Variants in SPAG16 observed in about 807,000 individuals in gnomAD.
SPAG16 encodes the protein sperm associated antigen 16, also known as sperm-associated antigen 16 protein.
SPAG16 carries 86 observed loss-of-function variants against 80.4 expected under a neutral mutation model. The ratio of observed to expected loss-of-function variants is 1.07; its 90% CI spans 0.90 to 1.28. SPAG16 has a LOEUF of 1.28. Among genes scored for constraint, SPAG16 ranks in the 50% most tolerant of loss-of-function variants. The pLI, the probability that SPAG16 is intolerant of heterozygous loss-of-function variation, is 0.00. For synonymous variants in SPAG16, 294 were observed against 265.9 expected (o/e 1.11, Z -1.03); for missense variants, 870 against 765.3 (o/e 1.14, Z -1.61).
intron 15 of SPAG16, among the ~76,000 whole-genome samples, chr2:214,223,079 C>T (rs1576533436): frequency 6.6e-6 from 1 of 151,932 alleles, no homozygotes; most frequent in African/African-American, 2.4e-5. Context: ...TGCAGAAATC[C>T]CTGATAATCA....
rs1559212252 is a variant in SPAG16 at position 214,323,336 on chromosome 2, T to TA, written c.1721-86804_1721-86803insA. ...TGTGAGATTAAATATATATATATAT[T>TA]TATTTATTTATTTATTTATTTAAAG... On this transcript the variant is annotated intron_variant, in intron 15 of 15. Coordinates refer to ENST00000331683, the MANE Select transcript of SPAG16 (RefSeq NM_024532.5). 6.9e-4 allele frequency among the ~76,000 whole-genome samples: 103 copies of TA among 149,374 alleles called. 1 individual carries two copies. The highest frequency in any genetic ancestry group is 2.2e-3 in the African/African-American group (90 of 40,948).
At chr2:213,625,842 C>T (rs1381632145) in intron 10 of SPAG16, among the ~76,000 whole-genome samples, 2 of 152,090 alleles carry the variant, frequency 1.3e-5, no homozygotes, top group East Asian at 1.9e-4. Context: ...CGCCCACCAC[C>T]ACACCCAGCT....
intron 15 of SPAG16, among the ~76,000 whole-genome samples, chr2:214,162,516 A>G (rs1328116738): frequency 6.6e-6 from 1 of 152,084 alleles, no homozygotes; most frequent in Non-Finnish European, 1.5e-5. Context: ...GGGAGATTCA[A>G]CTTTATTTCT....
At chr2:213,718,345 C>T (rs926388968) in intron 10 of SPAG16, among the ~76,000 whole-genome samples, 3 of 152,164 alleles carry the variant, frequency 2.0e-5, no homozygotes, top group Non-Finnish European at 2.9e-5. Context: ...TCAGAGCCCT[C>T]GCTTGCTCTC....
At chr2:214,041,980 A>G (rs183491292) in intron 13 of SPAG16, among the ~76,000 whole-genome samples, 32,091 of 101,098 alleles carry the variant, frequency 0.32, 4,202 homozygotes, top group East Asian at 0.51. Flanking sequence ...CTGTGTGTGT[A>G]TATATATATA....
At chr2:213,720,331 A>G (rs2066457813) in intron 10 of SPAG16, among the ~76,000 whole-genome samples, 1 of 152,052 alleles carries the variant, frequency 6.6e-6, no homozygotes, top group African/African-American at 2.4e-5. Context: ...AACTTAAAGT[A>G]TAAGAAAAAA....
intron 13 of SPAG16, among the ~76,000 whole-genome samples, chr2:214,103,079 G>GT (rs2053167978): frequency 6.6e-6 from 1 of 152,032 alleles, no homozygotes; most frequent in Non-Finnish European, 1.5e-5. Context: ...CCCATCTGAG[G>GT]TTTTTTCCTT....
chr2:213,960,558 G>C (rs2044361758), intron 12 of SPAG16, among the ~76,000 whole-genome samples: 1 of 151,980 alleles, frequency 6.6e-6, no homozygotes, highest in Non-Finnish European at 1.5e-5. Context: ...AATTATTTTG[G>C]TTTATTGTTT....
intron 10 of SPAG16, among the ~76,000 whole-genome samples, chr2:213,726,279 T>C (rs1160643890): frequency 2.0e-5 from 3 of 152,190 alleles, no homozygotes; most frequent in Admixed American, 6.5e-5. Flanking sequence ...CAGGGATGTG[T>C]CCTGCACTGC....
chr2:213,669,908 A>G (rs2063752857), intron 10 of SPAG16, among the ~76,000 whole-genome samples: 2 of 151,798 alleles, frequency 1.3e-5, no homozygotes, highest in South Asian at 4.1e-4. Context: ...AACATCTAGT[A>G]TTTTGCTGCT....
chr2:213,636,268 G>A (rs963496522), intron 10 of SPAG16, among the ~76,000 whole-genome samples: 6 of 152,024 alleles, frequency 3.9e-5, no homozygotes, highest in East Asian at 1.9e-4. Flanking sequence ...GTAAGTATTT[G>A]GGTTTATTTG....
intron 10 of SPAG16, among the ~76,000 whole-genome samples, chr2:213,527,276 G>T (rs1183903799): frequency 6.6e-6 from 1 of 152,142 alleles, no homozygotes; most frequent in Admixed American, 6.5e-5. Flanking sequence ...AAACTGGTTT[G>T]CTTCTTGTGA....
intron 14 of SPAG16, among the ~76,000 whole-genome samples, chr2:214,140,580 T>C (rs952007349): frequency 6.6e-6 from 1 of 152,082 alleles, no homozygotes; most frequent in South Asian, 2.1e-4. Flanking sequence ...AATTTATTTT[T>C]ATACTCATGA....
intron 5 of SPAG16, among the ~76,000 whole-genome samples, chr2:213,329,684 C>G (rs1160843074): frequency 1.3e-5 from 2 of 152,118 alleles, no homozygotes; most frequent in Non-Finnish European, 2.9e-5. Flanking sequence ...GAAATTCAAG[C>G]CAGCTGCAGA....
chr2:213,580,292 T>C (rs2060259900), intron 10 of SPAG16, among the ~76,000 whole-genome samples: 1 of 152,122 alleles, frequency 6.6e-6, no homozygotes, highest in Admixed American at 6.6e-5. Context: ...CACTTATTCA[T>C]CAAACTAAGA....
chr2:213,560,863 ATTAAC>A (rs1012843971), intron 10 of SPAG16, among the ~76,000 whole-genome samples: 3 of 152,176 alleles, frequency 2.0e-5, no homozygotes, highest in Admixed American at 2.0e-4. Context: ...GTTAGCAACC[ATTAAC>A]TTTTTTTGTG....
intron 15 of SPAG16, among the ~76,000 whole-genome samples, chr2:214,368,255 C>T (rs1024149512): frequency 6.6e-6 from 1 of 152,064 alleles, no homozygotes. Flanking sequence ...CTTCTTTACT[C>T]ACACCTGCAA....
chr2:213,887,921 A>G (rs1180043082), intron 11 of SPAG16, among the ~76,000 whole-genome samples: 2 of 151,496 alleles, frequency 1.3e-5, no homozygotes, highest in African/African-American at 2.4e-5. Context: ...TTTTGCACCA[A>G]CCTAATATGT....
intron 13 of SPAG16, among the ~76,000 whole-genome samples, chr2:214,097,765 G>A (rs983904257): frequency 2.6e-5 from 4 of 151,768 alleles, no homozygotes; most frequent in East Asian, 1.9e-4. Flanking sequence ...TGATAAAGAC[G>A]GTACACTAAA....
Sources: allele counts gnomAD v4.1 joint callset (sites outside exome capture counted in the v4.1 genomes callset), GRCh38; gene constraint gnomAD v4.1.1; transcripts MANE v1.5; gene names NCBI Gene and HGNC (gene_info 2026-07-23, HGNC 2026-07-21).